Variants in DGKB observed in about 807,000 individuals in gnomAD.
DGKB encodes 90 kDa diacylglycerol kinase.
Under a neutral mutation model 114.3 loss-of-function variants are expected in DGKB, and 67 were observed. That is an observed-to-expected ratio of 0.59 (90% CI 0.48 to 0.72). The LOEUF (loss-of-function observed/expected upper bound fraction) is 0.72, where lower values mean the gene tolerates loss of function less well. Among genes scored for constraint, DGKB ranks in the 30% least tolerant of loss-of-function variants. The pLI, the probability that DGKB is intolerant of heterozygous loss-of-function variation, is 0.00. For synonymous variants in DGKB, 398 were observed against 323.1 expected (o/e 1.23, Z -2.49); for missense variants, 907 against 975.2 (o/e 0.93, Z 0.93).
At chr7:14,543,230 G>A (rs1053100546) in intron 20 of DGKB, among the ~76,000 whole-genome samples, 1 of 151,982 alleles carries the variant, frequency 6.6e-6, no homozygotes, top group African/African-American at 2.4e-5. Flanking sequence ...GATCGCTTGA[G>A]GCCAGGAGTT....
intron 1 of DGKB, among the ~76,000 whole-genome samples, chr7:14,972,526 T>G (rs562435252): frequency 1.1e-4 from 17 of 152,242 alleles, no homozygotes; most frequent in Non-Finnish European, 2.4e-4. Context: ...TAAATAAATT[T>G]AAAACATTAG....
At chr7:14,755,453 A>G (rs1447494304) in intron 3 of DGKB, among the ~76,000 whole-genome samples, 1 of 152,152 alleles carries the variant, frequency 6.6e-6, no homozygotes, top group African/African-American at 2.4e-5. Flanking sequence ...CTTTTAGAAA[A>G]CGATGAATTA....
chr7:14,574,390 T>C lies in DGKB; in HGVS notation c.1610-18A>G, dbSNP rs1269345587. 5.7e-6 allele frequency: 9 copies of C among 1,592,456 alleles called. No individual in the cohort carries two copies. The East Asian group carries it at 1.1e-4, about 20-fold the overall frequency. ...TTCGTAACCTAGTGGGAAAAAAAAA[T>C]ACCTTGAGAAAAGAACTCTAACCAA... On this transcript the variant is annotated intron_variant, in intron 19 of 25. Coordinates refer to ENST00000402815, the MANE Select transcript of DGKB (RefSeq NM_001350709.2).
rs778720076 is a variant in DGKB, at chr7:14,841,395, A to AT, written c.-133dup. Reference sequence around the variant, plus strand: ...ATACCTCAGGCTTTCAAAATATGCAATCTGTCCACATGAAACTGCTTTGGA... The same window carrying AT: ...ATACCTCAGGCTTTCAAAATATGCAATTCTGTCCACATGAAACTGCTTTGGA... On this transcript the variant is annotated 5_prime_UTR_variant, in exon 2 of 26. An upstream open reading frame in the 5' UTR loses its in-frame stop. Transcript: ENST00000402815. 1,289 of 691,034 alleles carry AT rather than the reference A, an allele frequency of 1.9e-3. 16 individuals are homozygous for AT. Among genetic ancestry groups the AT allele is most frequent in the Non-Finnish European group, 7.8e-4 (327 of 417,052 alleles). 42.8% of individuals were successfully genotyped at this position (691,034 alleles called of 1,614,324 possible). A position where few individuals can be genotyped will look rare whatever the true frequency, so the allele number is the denominator to read the frequency against.
chr7:14,907,747 G>C (rs1783784357), upstream of DGKB, among the ~76,000 whole-genome samples: 1 of 152,178 alleles, frequency 6.6e-6, no homozygotes, highest in Admixed American at 6.5e-5. Context: ...GCTTATTGTT[G>C]ACCTAGTAGG....
At chr7:14,786,618 C>G (rs531103831) in intron 2 of DGKB, among the ~76,000 whole-genome samples, 1 of 152,226 alleles carries the variant, frequency 6.6e-6, no homozygotes, top group African/African-American at 2.4e-5. Context: ...CTCAGAAGTA[C>G]CTGCTCTCAC....
At chr7:14,962,979 C>A (rs1786945152) in intron 1 of DGKB, among the ~76,000 whole-genome samples, 1 of 152,068 alleles carries the variant, frequency 6.6e-6, no homozygotes, top group Admixed American at 6.6e-5. Context: ...CAGTTGAGCA[C>A]TTTCATTTTC....
At chr7:14,340,726 G>T (rs1411308901) in intron 22 of DGKB, among the ~76,000 whole-genome samples, 1 of 151,580 alleles carries the variant, frequency 6.6e-6, no homozygotes, top group African/African-American at 2.4e-5. Flanking sequence ...GACACCTTTG[G>T]TATTTCCCTG....
chr7:14,580,988 T>G (rs764287132), intron 18 of DGKB, 37 bp from the exon 19 acceptor site: 1 of 1,458,434 alleles, frequency 6.9e-7, no homozygotes, highest in East Asian at 2.3e-5. Flanking sequence ...AAGAAAATTT[T>G]AAGTTCAGAT....
intron 23 of DGKB, among the ~76,000 whole-genome samples, chr7:14,281,608 G>C (rs948280992): frequency 2.0e-5 from 3 of 147,360 alleles, no homozygotes; most frequent in Non-Finnish European, 4.5e-5. Context: ...CACATACTTG[G>C]AAGTAAAGCT....
intron 21 of DGKB, among the ~76,000 whole-genome samples, chr7:14,386,294 T>C (rs188249423): frequency 1.3e-5 from 2 of 152,326 alleles, no homozygotes; most frequent in African/African-American, 2.4e-5. Context: ...CACTTTCAGA[T>C]ATGATTTTTT....
chr7:14,741,274 C>T (rs899098076), intron 4 of DGKB, among the ~76,000 whole-genome samples: 15 of 152,144 alleles, frequency 9.9e-5, no homozygotes, highest in African/African-American at 3.4e-4. Flanking sequence ...AGACTTTTGG[C>T]CTCCCTCTCC....
intron 21 of DGKB, among the ~76,000 whole-genome samples, chr7:14,430,323 G>C (rs953145784): frequency 6.6e-6 from 1 of 152,000 alleles, no homozygotes; most frequent in Admixed American, 6.6e-5. Flanking sequence ...GTTAATTTTT[G>C]AGATCCATGT....
At chr7:14,724,093 T>A (rs1349806239) in intron 5 of DGKB, among the ~76,000 whole-genome samples, 1 of 152,162 alleles carries the variant, frequency 6.6e-6, no homozygotes, top group Non-Finnish European at 1.5e-5. Flanking sequence ...AACAATAACA[T>A]GGATCACATT....
intron 2 of DGKB, among the ~76,000 whole-genome samples, chr7:14,799,140 A>G (rs929431211): frequency 3.3e-5 from 5 of 152,168 alleles, no homozygotes; most frequent in Admixed American, 6.5e-5. Context: ...TCGGTACCAG[A>G]TGTGGTTTTA....
At chr7:14,522,675 T>G (rs1166694602) in intron 20 of DGKB, among the ~76,000 whole-genome samples, 1 of 152,192 alleles carries the variant, frequency 6.6e-6, no homozygotes, top group African/African-American at 2.4e-5. Flanking sequence ...TTCATGCATT[T>G]TATTCATAAA....
chr7:14,797,570 G>A (rs984749637), intron 2 of DGKB, among the ~76,000 whole-genome samples: 1 of 151,908 alleles, frequency 6.6e-6, no homozygotes, highest in Non-Finnish European at 1.5e-5. Context: ...GGCTCTCCTT[G>A]TCTGGATCTC....
At chr7:14,635,961 T>C (rs1379052037) in intron 13 of DGKB, among the ~76,000 whole-genome samples, 1 of 151,670 alleles carries the variant, frequency 6.6e-6, no homozygotes, top group Admixed American at 6.6e-5. Context: ...AGTATATTGA[T>C]AATAATATTT....
upstream of DGKB, among the ~76,000 whole-genome samples, chr7:14,907,727 G>C (rs1441579623): frequency 6.6e-6 from 1 of 152,184 alleles, no homozygotes; most frequent in African/African-American, 2.4e-5. Context: ...ATGATTCTTA[G>C]GGGCAGCAAG....
Sources: gnomAD v4.1 joint callset for allele counts (sites outside exome capture counted in the v4.1 genomes callset) on GRCh38, gnomAD v4.1.1 for gene constraint, MANE v1.5 for transcripts, NCBI Gene and HGNC (gene_info 2026-07-23, HGNC 2026-07-21) for gene names.